ASAP2: variants seen among roughly 807,000 people sequenced by gnomAD.
The protein encoded by ASAP2 is arf-GAP with SH3 domain, ANK repeat and PH domain-containing protein 2.
Under a neutral mutation model 131.4 loss-of-function variants are expected in ASAP2, and 45 were observed. The observed-to-expected ratio is 0.34, with a 90% confidence interval of 0.27 to 0.44. ASAP2 has a LOEUF of 0.44. Ranked by LOEUF, ASAP2 falls within the 20% of genes least tolerant of loss-of-function variation. ASAP2 has a pLI of 1.00. For missense variants in ASAP2, 1,011 were observed against 1,297.0 expected, an observed-to-expected ratio of 0.78 and a Z score of 3.39; for synonymous variants, 510 against 503.0, an observed-to-expected ratio of 1.01 and a Z score of -0.19.
intron 15 of ASAP2, among the ~76,000 whole-genome samples, chr2:9,359,201 A>G (rs1309936633): frequency 6.6e-6 from 1 of 152,268 alleles, no homozygotes. Flanking sequence ...TCCATTAGAC[A>G]GATGTGGAAT....
chr2:9,292,191 T>C (rs1470797714), intron 2 of ASAP2, among the ~76,000 whole-genome samples: 1 of 152,120 alleles, frequency 6.6e-6, no homozygotes, highest in African/African-American at 2.4e-5. Context: ...ATGAGACCTG[T>C]GCTGCCCTGT....
rs1357075744 is a variant in ASAP2, at chr2:9,207,360, C to T, written c.126+130C>T. On this transcript the variant is annotated intron_variant, in intron 1 of 27. Coordinates refer to ENST00000281419, the MANE Select transcript of ASAP2 (RefSeq NM_003887.3). This position sits in a 1 kb window ranked among gnomAD's most constrained non-coding sequence, Gnocchi z 4.1. ...CGGACGCGGCCGGGCCAACCCTGCC[C>T]GAGACAGAAGCCCTTTGTTCCCGCC... 1.6e-6 allele frequency: 2 copies of T among 1,283,432 alleles called. No homozygotes were observed. The highest frequency in any genetic ancestry group is 5.9e-5 in the East Asian group (2 of 33,638). The allele number at this position is 1,283,432 out of a possible 1,614,324, so 79.5% of individuals were successfully genotyped here.
At chr2:9,391,281 C>T in intron 23 of ASAP2, 85 bp downstream of exon 23, 1 of 1,520,944 alleles carries the variant, frequency 6.6e-7, no homozygotes, top group Non-Finnish European at 8.9e-7. Flanking sequence ...CACACAGCTG[C>T]CAGCACAGAC....
chr2:9,349,733 C>T (rs530383241), intron 11 of ASAP2, among the ~76,000 whole-genome samples: 13 of 152,162 alleles, frequency 8.5e-5, no homozygotes, highest in African/African-American at 1.4e-4. Flanking sequence ...TAACCCAAAT[C>T]CTTCACGCTG....
chr2:9,350,858 C>G lies in ASAP2; in HGVS notation c.1074C>G (p.Thr358=). ...ACCTGCTAACCTGCCAGGTGAAGACCAACCCTGAGGAGAAGAAGTGCTTTG... is the reference window on the plus strand; with the variant it reads ...ACCTGCTAACCTGCCAGGTGAAGACGAACCCTGAGGAGAAGAAGTGCTTTG... The part of the protein sequence containing the change: ...KLNLLTCQVK[T]NPEEKKCFDL... Residue 358 remains threonine, a synonymous_variant, in exon 12 of 28, where the codon ACC becomes ACG. Transcript: ENST00000281419. 6 of 1,613,534 alleles carry G rather than the reference C, an allele frequency of 3.7e-6. No individual in the cohort carries two copies. The highest frequency in any genetic ancestry group is 5.1e-6 in the Non-Finnish European group (6 of 1,179,604).
intron 9 of ASAP2, among the ~76,000 whole-genome samples, chr2:9,343,689 C>T (rs1384819351): frequency 3.3e-5 from 5 of 152,192 alleles, no homozygotes; most frequent in Non-Finnish European, 5.9e-5. Flanking sequence ...TCAAGCCATC[C>T]GCCCACCTTG....
chr2:9,207,607 T>A lies in ASAP2; in HGVS notation c.126+377T>A, dbSNP rs1398613102. The stretch of plus-strand genomic sequence containing the variant: ...GTACCCGGTGCGGACCTTATCAACT[T>A]GTTCTTGAAGTGGACCGGCGGGGGC... On this transcript the variant is annotated intron_variant, in intron 1 of 27. Transcript: ENST00000281419. The surrounding 1 kb of genome is among the most constrained non-coding windows in gnomAD (Gnocchi z 4.1). Among the ~76,000 whole-genome samples, 2 of 152,124 alleles carry A rather than the reference T, an allele frequency of 1.3e-5. No individual in the cohort carries two copies. The highest frequency in any genetic ancestry group is 3.9e-4 in the East Asian group (2 of 5,130).
intron 1 of ASAP2, among the ~76,000 whole-genome samples, chr2:9,220,370 A>G (rs1347823093): frequency 1.3e-5 from 2 of 152,184 alleles, no homozygotes; most frequent in Non-Finnish European, 2.9e-5. Context: ...TGATTTCTCC[A>G]CATCCTTGAC....
rs1482438340 is a variant in ASAP2 at position 9,207,099 on chromosome 2, G to T, written c.-6G>T. 1.3e-6 allele frequency: 2 copies of T among 1,574,262 alleles called. No individual in the cohort carries two copies. Among genetic ancestry groups the T allele is most frequent in the Non-Finnish European group, 8.6e-7 (1 of 1,161,344 alleles). ...GGCTGTGCGCCAGCGCCCTCGCGCCGAGGCGATGCCGGACCAGATCTCCGT... is the reference window on the plus strand; with the variant it reads ...GGCTGTGCGCCAGCGCCCTCGCGCCTAGGCGATGCCGGACCAGATCTCCGT... On this transcript the variant is annotated 5_prime_UTR_variant, in exon 1 of 28. Coordinates refer to ENST00000281419, the MANE Select transcript of ASAP2 (RefSeq NM_003887.3). This position sits in a 1 kb window ranked among gnomAD's most constrained non-coding sequence, Gnocchi z 4.1.
intron 19 of ASAP2, among the ~76,000 whole-genome samples, chr2:9,379,682 C>T (rs970650015): frequency 3.3e-5 from 5 of 152,148 alleles, no homozygotes; most frequent in African/African-American, 1.2e-4. Context: ...CACACATCTG[C>T]CTGAGAGCCG....
At chr2:9,280,787 G>T (rs1233533622) in intron 2 of ASAP2, among the ~76,000 whole-genome samples, 1 of 152,224 alleles carries the variant, frequency 6.6e-6, no homozygotes, top group Non-Finnish European at 1.5e-5. Context: ...GTGTGGGGCA[G>T]GGAGCAATAA....
chr2:9,218,832 A>G (rs947464249), intron 1 of ASAP2, among the ~76,000 whole-genome samples: 1 of 151,686 alleles, frequency 6.6e-6, no homozygotes, highest in Non-Finnish European at 1.5e-5. Flanking sequence ...TATCTTGACT[A>G]TTTATATTTA....
chr2:9,260,836 G>A (rs536037549), intron 1 of ASAP2, among the ~76,000 whole-genome samples: 1 of 152,310 alleles, frequency 6.6e-6, no homozygotes, highest in African/African-American at 2.4e-5. Flanking sequence ...GCCCCGGATT[G>A]TGTAACCTGG....
At chr2:9,236,993 G>C (rs1004072404) in intron 1 of ASAP2, among the ~76,000 whole-genome samples, 1 of 152,270 alleles carries the variant, frequency 6.6e-6, no homozygotes, top group Admixed American at 6.5e-5. Context: ...GACCAGGCAG[G>C]GGCTAGTGAA....
chr2:9,254,652 G>A (rs1427130864), intron 1 of ASAP2, among the ~76,000 whole-genome samples: 1 of 148,894 alleles, frequency 6.7e-6, no homozygotes, highest in African/African-American at 2.5e-5. Flanking sequence ...GGGATTACAG[G>A]TTTGAGCCAC....
At chr2:9,323,341 A>G in intron 6 of ASAP2, 91 bp downstream of exon 6, 7 of 1,536,628 alleles carry the variant, frequency 4.6e-6, no homozygotes, top group Non-Finnish European at 5.3e-6. Context: ...CAGCGGCTTC[A>G]GAGAAAACAC....
intron 1 of ASAP2, among the ~76,000 whole-genome samples, chr2:9,254,799 G>A (rs768250724): frequency 1.3e-5 from 2 of 151,950 alleles, no homozygotes; most frequent in Non-Finnish European, 2.9e-5. Context: ...GAAGATAAGC[G>A]GTACTACTTG....
intron 20 of ASAP2, 54 bp downstream of exon 20, chr2:9,380,862 C>T (rs1240594194): frequency 2.1e-5 from 33 of 1,546,202 alleles, no homozygotes; most frequent in Non-Finnish European, 2.8e-5. Flanking sequence ...GACAGGGAGC[C>T]AAGCCTGTCC....
intron 1 of ASAP2, among the ~76,000 whole-genome samples, chr2:9,241,283 G>T (rs1342901186): frequency 4.6e-5 from 7 of 152,236 alleles, no homozygotes; most frequent in Admixed American, 4.6e-4. Context: ...CAGAATTTTG[G>T]TTGAACTGTT....
Sources: gnomAD v4.1 joint callset for allele counts (sites outside exome capture counted in the v4.1 genomes callset) on GRCh38, gnomAD v4.1.1 for gene constraint, Gnocchi (gnomAD v3.1) non-coding constraint, MANE v1.5 for transcripts, NCBI Gene and HGNC (gene_info 2026-07-23, HGNC 2026-07-21) for gene names.